TIAL1: variants seen among roughly 807,000 people sequenced by gnomAD.
TIAL1 encodes TIA1 cytotoxic granule associated RNA binding protein like 1.
In TIAL1, 7 loss-of-function variants were observed where a neutral mutation model predicts 59.7. The ratio of observed to expected loss-of-function variants is 0.12; its 90% CI spans 0.07 to 0.22. The LOEUF (loss-of-function observed/expected upper bound fraction) is 0.22, where lower values mean the gene tolerates loss of function less well. TIAL1 is among the 10% of genes least tolerant of loss of function. The pLI is 1.00. For synonymous variants in TIAL1, 149 were observed against 146.3 expected (o/e 1.02, Z -0.13); for missense variants, 225 against 462.5 (o/e 0.49, Z 4.71).
intron 2 of TIAL1, among the ~76,000 whole-genome samples, chr10:119,587,371 A>G (rs1022963900): frequency 4.6e-5 from 7 of 152,204 alleles, no homozygotes; most frequent in Admixed American, 3.9e-4. Flanking sequence ...ATGTACTACT[A>G]TCCTTTCAAG....
chr10:119,577,380 C>A, intron 9 of TIAL1, 71 bp downstream of exon 9: 1 of 1,491,834 alleles, frequency 6.7e-7, no homozygotes, highest in African/African-American at 1.4e-5. Flanking sequence ...AACACTGATA[C>A]CCTGGAGAAC....
At chr10:119,590,804 G>GAAAGAAAGAAAGAAAGAAAGAAAGAAAA (rs1564744910) in intron 1 of TIAL1, among the ~76,000 whole-genome samples, 3 of 140,672 alleles carry the variant, frequency 2.1e-5, no homozygotes, top group Non-Finnish European at 3.1e-5. Context: ...AAGAAAGAAA[G>GAAAGAAAGAAAGAAAGAAAGAAAGAAAA]AAAGAAAGAA....
chr10:119,580,972 T>C, intron 5 of TIAL1: 1 of 256,868 alleles, frequency 3.9e-6, no homozygotes, highest in Non-Finnish European at 6.4e-6. Flanking sequence ...ATTTTTAAAA[T>C]AGTACTACTT....
intron 7 of TIAL1, among the ~76,000 whole-genome samples, chr10:119,578,221 C>A (rs1375230218): frequency 4.1e-5 from 2 of 49,276 alleles, no homozygotes; most frequent in Non-Finnish European, 3.6e-5. Flanking sequence ...CGAGACTCCA[C>A]CTCAAAAAAA....
At chr10:119,587,804 G>A (rs913959071) in intron 2 of TIAL1, among the ~76,000 whole-genome samples, 2 of 152,112 alleles carry the variant, frequency 1.3e-5, no homozygotes, top group Non-Finnish European at 2.9e-5. Flanking sequence ...TCGTGTTCTC[G>A]CACATGAACA....
intron 1 of TIAL1, among the ~76,000 whole-genome samples, chr10:119,593,135 G>A (rs1328108872): frequency 6.6e-6 from 1 of 152,140 alleles, no homozygotes; most frequent in African/African-American, 2.4e-5. Flanking sequence ...ATATACCATG[G>A]ATCAAATCAC....
chr10:119,588,096 CA>C, intron 2 of TIAL1, 55 bp downstream of exon 2: 1 of 1,051,566 alleles, frequency 9.5e-7, no homozygotes, highest in Non-Finnish European at 1.3e-6. Flanking sequence ...ATTTTAAAAT[CA>C]TGCTAATCAA....
chr10:119,590,103 A>C (rs1845774923), intron 1 of TIAL1, among the ~76,000 whole-genome samples: 1 of 152,230 alleles, frequency 6.6e-6, no homozygotes, highest in African/African-American at 2.4e-5. Flanking sequence ...TTTCCAGTTA[A>C]GAATTTTATT....
At chr10:119,575,863 CA>C (rs1178689595) in intron 11 of TIAL1, 72 bp from the exon 12 acceptor site, 3 of 1,427,538 alleles carry the variant, frequency 2.1e-6, no homozygotes, top group Non-Finnish European at 2.8e-6. Context: ...ACACAAAAAT[CA>C]AGCAGAGCCT....
intron 11 of TIAL1, among the ~76,000 whole-genome samples, chr10:119,576,397 CTAAA>C (rs1844996399): frequency 6.6e-6 from 1 of 152,130 alleles, no homozygotes; most frequent in Non-Finnish European, 1.5e-5. Context: ...ATAGGACACA[CTAAA>C]TGTTACCCCA....
intron 6 of TIAL1, 45 bp downstream of exon 6, chr10:119,579,890 C>A: frequency 6.8e-7 from 1 of 1,471,822 alleles, no homozygotes; most frequent in Non-Finnish European, 9.2e-7. Context: ...TAACTAATGA[C>A]TAAATTTAGT....
chr10:119,578,695 A>G (rs886191188), intron 7 of TIAL1, 31 bp downstream of exon 7: 3 of 1,517,476 alleles, frequency 2.0e-6, no homozygotes, highest in African/African-American at 2.7e-5. Context: ...TGAAGAATAT[A>G]ATTTTAACAC....
At chr10:119,588,109 C>G in intron 2 of TIAL1, 43 bp downstream of exon 2, 1 of 1,172,304 alleles carries the variant, frequency 8.5e-7, no homozygotes, top group Non-Finnish European at 1.2e-6. Flanking sequence ...GCTAATCAAC[C>G]CATCATGCTA....
intron 1 of TIAL1, among the ~76,000 whole-genome samples, chr10:119,589,372 AT>A (rs1564743251): frequency 2.0e-5 from 3 of 152,076 alleles, no homozygotes; most frequent in Non-Finnish European, 4.4e-5. Flanking sequence ...CGCCCGGCTA[AT>A]TTTTGTATTT....
chr10:119,590,738 AAGAG>A (rs1388183597), intron 1 of TIAL1, among the ~76,000 whole-genome samples: 3 of 135,708 alleles, frequency 2.2e-5, no homozygotes, highest in East Asian at 2.2e-4. Flanking sequence ...GAAAGAGAGA[AAGAG>A]AGAGAGACAG....
intron 11 of TIAL1, 61 bp from the exon 12 acceptor site, chr10:119,575,852 T>C (rs1844963371): frequency 8.8e-6 from 13 of 1,470,168 alleles, no homozygotes; most frequent in Admixed American, 2.8e-5. Context: ...CATATGTATT[T>C]ACACAAAAAT....
At chr10:119,590,813 A>G (rs1006547456) in intron 1 of TIAL1, among the ~76,000 whole-genome samples, 4 of 147,648 alleles carry the variant, frequency 2.7e-5, no homozygotes, top group African/African-American at 1.0e-4. Context: ...AGAAAGAAAG[A>G]AAGAAAGAAA....
At chr10:119,588,742 C>A (rs1169724012) in intron 1 of TIAL1, among the ~76,000 whole-genome samples, 1 of 152,132 alleles carries the variant, frequency 6.6e-6, no homozygotes, top group Admixed American at 6.5e-5. Context: ...AGGAAAGCAA[C>A]AATTGTTCTT....
intron 1 of TIAL1, 98 bp downstream of exon 1, chr10:119,596,336 G>C (rs1271365750): frequency 2.2e-6 from 3 of 1,379,004 alleles, no homozygotes; most frequent in South Asian, 2.4e-5. Context: ...GAGCCGCCTA[G>C]AGTCCCGGCT....
Sources: allele counts gnomAD v4.1 joint callset (sites outside exome capture counted in the v4.1 genomes callset), GRCh38; gene constraint gnomAD v4.1.1; transcripts MANE v1.5; gene names NCBI Gene and HGNC (gene_info 2026-07-23, HGNC 2026-07-21).